The following SORBS2 variants were observed in gnomAD, a reference collection of about 807,000 sequenced individuals.
SORBS2 encodes sorbin and SH3 domain-containing protein 2.
Under a neutral mutation model 97.7 loss-of-function variants are expected in SORBS2, and 46 were observed. That is an observed-to-expected ratio of 0.47 (90% CI 0.37 to 0.60). The LOEUF is 0.60. Among genes scored for constraint, SORBS2 ranks in the 20% least tolerant of loss-of-function variants. The probability of loss-of-function intolerance (pLI) is 0.00; values close to 1 mark genes in which losing one functional copy is unlikely to be tolerated. For missense variants in SORBS2, 1,316 were observed against 1,282.3 expected, an observed-to-expected ratio of 1.03 and a Z score of -0.40; for synonymous variants, 476 against 473.4, an observed-to-expected ratio of 1.01 and a Z score of -0.07.
intron 4 of SORBS2, among the ~76,000 whole-genome samples, chr4:185,644,481 A>G (rs1561626827): frequency 6.6e-6 from 1 of 152,214 alleles, no homozygotes; most frequent in Admixed American, 6.5e-5. Flanking sequence ...TGCTACTTCA[A>G]TGTGTTTCCT....
chr4:185,649,757 T>C (rs910458823), intron 2 of SORBS2, 101 bp from the exon 12 acceptor site: 2 of 661,392 alleles, frequency 3.0e-6, no homozygotes, highest in African/African-American at 3.7e-5. Flanking sequence ...AATGATTGCA[T>C]AGAAATTATT....
At chr4:185,608,774 T>C (rs534021515) in intron 12 of SORBS2, among the ~76,000 whole-genome samples, 70 of 152,178 alleles carry the variant, frequency 4.6e-4, no homozygotes, top group Non-Finnish European at 8.8e-4. Flanking sequence ...ACCTTTCACT[T>C]TAGGTCTCTC....
chr4:185,747,649 C>T (rs2153594333), intron 2 of SORBS2, among the ~76,000 whole-genome samples: 1 of 152,270 alleles, frequency 6.6e-6, no homozygotes, highest in Non-Finnish European at 1.5e-5. Flanking sequence ...GTGGTCAGGG[C>T]AGTGGTTTCT....
At chr4:185,933,687 A>C (rs572811530) in intron 1 of SORBS2, among the ~76,000 whole-genome samples, 51 of 152,080 alleles carry the variant, frequency 3.4e-4, no homozygotes, top group African/African-American at 1.2e-3. Flanking sequence ...CTTATATTGG[A>C]TCAAATGCCC....
At chr4:185,599,898 G>GT (rs59067072) in intron 12 of SORBS2, among the ~76,000 whole-genome samples, 29,699 of 152,048 alleles carry the variant, frequency 0.2, 3,382 homozygotes, top group East Asian at 0.33. Flanking sequence ...CCTGGGGGCG[G>GT]GGGAGGTGGC....
rs763307482 is a variant in SORBS2, at chr4:185,666,235, T to G, written c.-45-3993A>C. 42 of 1,141,876 alleles carry G rather than the reference T, an allele frequency of 3.7e-5. No homozygotes were observed. The South Asian group carries it at 5.4e-4, about 15-fold the overall frequency. 70.7% of individuals were successfully genotyped at this position (1,141,876 alleles called of 1,614,324 possible). On this transcript the variant is annotated intron_variant, in intron 4 of 20. Coordinates refer to the SORBS2 transcript ENST00000284776. Reference sequence around the variant, plus strand: ...AGTATGAGGAAAAAATAATAAGAGATAAATTATCCAATTAACAAAAGTACC... The same window carrying G: ...AGTATGAGGAAAAAATAATAAGAGAGAAATTATCCAATTAACAAAAGTACC...
intron 1 of SORBS2, among the ~76,000 whole-genome samples, chr4:185,910,549 GTGTT>G (rs1488327233): frequency 1.3e-5 from 2 of 152,060 alleles, no homozygotes; most frequent in African/African-American, 2.4e-5. Flanking sequence ...ATTCATTTAT[GTGTT>G]TGTTTGTTTT....
At chr4:185,663,062 G>A (rs151219345) in intron 4 of SORBS2, among the ~76,000 whole-genome samples, 6 of 152,238 alleles carry the variant, frequency 3.9e-5, no homozygotes, top group Middle Eastern at 6.8e-3. Context: ...GAACTGAATC[G>A]GCTTAGTTCA....
intron 2 of SORBS2, among the ~76,000 whole-genome samples, chr4:185,758,366 T>C (rs193034066): frequency 2.9e-4 from 44 of 152,328 alleles, no homozygotes; most frequent in Non-Finnish European, 5.9e-4. Flanking sequence ...CTCTTGGCTG[T>C]CAGCACACTG....
chr4:185,601,877 C>G (rs890704161), intron 12 of SORBS2, among the ~76,000 whole-genome samples: 1 of 152,186 alleles, frequency 6.6e-6, no homozygotes, highest in African/African-American at 2.4e-5. Context: ...CACTGAGTTA[C>G]TTGGAAGAAA....
chr4:185,661,784 C>A (rs1170451973), upstream of SORBS2, among the ~76,000 whole-genome samples: 1 of 152,166 alleles, frequency 6.6e-6, no homozygotes, highest in Non-Finnish European at 1.5e-5. Flanking sequence ...GAACAAGCTG[C>A]CCTAGTGGAA....
chr4:185,873,081 G>T (rs1160094579), intron 1 of SORBS2, among the ~76,000 whole-genome samples: 2 of 152,090 alleles, frequency 1.3e-5, no homozygotes, highest in Non-Finnish European at 2.9e-5. Flanking sequence ...TGATAAATAA[G>T]GGCCACTATA....
Position 185,649,518 on chromosome 4 carries a change from ACATGTGG to A in SORBS2, c.223_229del (p.Pro75PhefsTer64), listed in dbSNP as rs1396458832. On this transcript the variant is annotated frameshift_variant, in exon 3 of 15. Coordinates refer to ENST00000418609, the Ensembl canonical transcript of SORBS2. LOFTEE classifies it high-confidence loss of function. ...TCGAAGCGGCGGGACTGGAGGTGGA[ACATGTGG>A]GGGAGGCACTGGGGAGGACGCATCC... The A allele has an allele frequency of 6.2e-7, 1 of 1,603,806 alleles. No individual in the cohort carries two copies. The highest frequency in any genetic ancestry group is 1.1e-5 in the South Asian group (1 of 89,832).
intron 2 of SORBS2, among the ~76,000 whole-genome samples, chr4:185,769,709 C>T (rs1377649339): frequency 1.3e-5 from 2 of 152,096 alleles, no homozygotes; most frequent in South Asian, 2.1e-4. Context: ...AGGCTAGTCT[C>T]GAACTCCCGA....
Position 185,806,653 on chromosome 4 carries a change from T to G in SORBS2, c.-337-31287A>C, listed in dbSNP as rs1433409463. Among the ~76,000 whole-genome samples the G allele has an allele frequency of 6.8e-4, 103 of 151,150 alleles. 2 individuals are homozygous for G. Among genetic ancestry groups the G allele is most frequent in the Middle Eastern group, 6.8e-3 (2 of 294 alleles). ...TTTGTATTTTTTAGTAGAGACGGGG[T>G]TTCACCGTTTTAGCCGGGATGGTCT... On this transcript the variant is annotated intron_variant, in intron 1 of 20. Coordinates refer to the SORBS2 transcript ENST00000284776.
At chr4:185,756,244 T>G (rs1376450083) in intron 2 of SORBS2, among the ~76,000 whole-genome samples, 2 of 150,904 alleles carry the variant, frequency 1.3e-5, no homozygotes, top group South Asian at 2.2e-4. Context: ...TGACTCATAT[T>G]AGAACACGTA....
At chr4:185,951,759 C>T (rs982038681) in intron 1 of SORBS2, among the ~76,000 whole-genome samples, 1 of 152,208 alleles carries the variant, frequency 6.6e-6, no homozygotes, top group Non-Finnish European at 1.5e-5. Context: ...AATTTGGCCA[C>T]CTTTCCCATC....
chr4:185,646,631 G>T, intron 4 of SORBS2, 37 bp downstream of exon 13: 1 of 1,345,032 alleles, frequency 7.4e-7, no homozygotes, highest in Non-Finnish European at 1.1e-6. Flanking sequence ...TGGGAGCCCA[G>T]CGAGCTGGCA....
intron 2 of SORBS2, among the ~76,000 whole-genome samples, chr4:185,727,650 A>G (rs1011353104): frequency 6.6e-6 from 1 of 152,232 alleles, no homozygotes; most frequent in African/African-American, 2.4e-5. Context: ...AACCAGCCCT[A>G]TTTATCAAGG....
Sources: allele counts gnomAD v4.1 joint callset (sites outside exome capture counted in the v4.1 genomes callset), GRCh38; gene constraint gnomAD v4.1.1; transcripts MANE v1.5; gene names NCBI Gene and HGNC (gene_info 2026-07-23, HGNC 2026-07-21).